BRAF: variants seen among roughly 807,000 people sequenced by gnomAD.
BRAF encodes serine/threonine-protein kinase B-raf.
Under a neutral mutation model 104.6 loss-of-function variants are expected in BRAF, and 16 were observed. That is an observed-to-expected ratio of 0.15 (90% CI 0.10 to 0.23). The LOEUF (loss-of-function observed/expected upper bound fraction) is 0.23. BRAF is among the 10% of genes least tolerant of loss of function. The pLI, the probability that BRAF is intolerant of heterozygous loss-of-function variation, is 1.00. For missense variants in BRAF, 541 were observed against 937.3 expected, an observed-to-expected ratio of 0.58 and a Z score of 5.52; for synonymous variants, 310 against 341.6, an observed-to-expected ratio of 0.91 and a Z score of 1.02.
In BRAF at chr7:140,721,777, G is replaced by GAATA. The variant is rs769804303; in HGVS notation, c.*4713_*4716dup. On this transcript the variant is annotated 3_prime_UTR_variant, in exon 20 of 20. Transcript: ENST00000644969. ...AACAAGATACAAGAACCACAGCATG[G>GAATA]AATATGTTTTCTTTTACATCCAATG... 10 of 1,448,594 alleles carry GAATA rather than the reference G, an allele frequency of 6.9e-6. No individual in the cohort carries two copies. The South Asian group carries it at 1.3e-4, about 19-fold the overall frequency. The allele number at this position is 1,448,594 out of a possible 1,614,324, so 89.7% of individuals were successfully genotyped here.
intron 11 of BRAF, among the ~76,000 whole-genome samples, chr7:140,782,139 TA>T (rs1800940725): frequency 3.9e-5 from 6 of 152,286 alleles, no homozygotes; most frequent in Admixed American, 3.3e-4. Flanking sequence ...AATTCCCACC[TA>T]TGAGTGAGAA....
intron 7 of BRAF, among the ~76,000 whole-genome samples, chr7:140,797,214 T>A (rs1802582907): frequency 6.6e-6 from 1 of 152,208 alleles, no homozygotes; most frequent in African/African-American, 2.4e-5. Flanking sequence ...TTAGTTTAGA[T>A]CTCATTCTTA....
chr7:140,878,163 C>CA (rs565718270), intron 1 of BRAF, among the ~76,000 whole-genome samples: 11 of 150,760 alleles, frequency 7.3e-5, no homozygotes, highest in African/African-American at 9.7e-5. Flanking sequence ...CAAATGAAAA[C>CA]AAAAAAAACA....
At chr7:140,769,288 G>A (rs1041504293) in intron 14 of BRAF, among the ~76,000 whole-genome samples, 9 of 152,122 alleles carry the variant, frequency 5.9e-5, no homozygotes, top group African/African-American at 1.7e-4. Context: ...ATGTTGGCCA[G>A]GCTAGTCTCG....
chr7:140,802,534 G>A (rs1464804955), intron 5 of BRAF, among the ~76,000 whole-genome samples: 8 of 151,952 alleles, frequency 5.3e-5, no homozygotes, highest in Admixed American at 5.2e-4. Context: ...CTGACCTCAG[G>A]TGATGCGTCT....
intron 1 of BRAF, among the ~76,000 whole-genome samples, chr7:140,878,076 T>A (rs1812464176): frequency 1.3e-5 from 2 of 152,004 alleles, no homozygotes; most frequent in African/African-American, 4.8e-5. Flanking sequence ...AAGAAAATTA[T>A]ACACCAATAT....
chr7:140,807,233 T>C (rs1208422075), intron 5 of BRAF, among the ~76,000 whole-genome samples: 2 of 152,156 alleles, frequency 1.3e-5, no homozygotes, highest in African/African-American at 4.8e-5. Context: ...GCCATTCTAT[T>C]TCCATTAACC....
Position 140,719,843 on chromosome 7 carries a change from T to C in BRAF, c.*6651A>G, listed in dbSNP as rs1050268684. 2.3e-5 allele frequency: 24 copies of C among 1,063,032 alleles called. No individual in the cohort carries two copies. The highest frequency in any genetic ancestry group is 2.6e-5 in the Non-Finnish European group (23 of 877,922). The allele number at this position is 1,063,032 out of a possible 1,614,324, so 65.8% of individuals were successfully genotyped here. A position where few individuals can be genotyped will look rare whatever the true frequency, so the allele number is the denominator to read the frequency against. ...CGCCCCAGACTCCACGAGAACCTTT[T>C]CAATGCTTGAGTGGAACTGAAGTGT... On this transcript the variant is annotated 3_prime_UTR_variant, in exon 20 of 20. Transcript: ENST00000644969.
intron 2 of BRAF, among the ~76,000 whole-genome samples, chr7:140,843,481 T>C (rs1381547490): frequency 6.6e-6 from 1 of 152,248 alleles, no homozygotes; most frequent in Non-Finnish European, 1.5e-5. Flanking sequence ...AGAAACTTAT[T>C]CTTGAAGGGT....
At chr7:140,840,669 T>C (rs980929217) in intron 2 of BRAF, among the ~76,000 whole-genome samples, 4 of 151,254 alleles carry the variant, frequency 2.6e-5, no homozygotes, top group African/African-American at 7.3e-5. Flanking sequence ...CGCATGCCTG[T>C]AGTCCCAGCT....
intron 12 of BRAF, among the ~76,000 whole-genome samples, chr7:140,779,365 T>C (rs1053391871): frequency 6.6e-6 from 1 of 152,172 alleles, no homozygotes; most frequent in African/African-American, 2.4e-5. Flanking sequence ...GCCTCCTCAA[T>C]AGCTGGGAGT....
chr7:140,887,504 A>C (rs1025937509), intron 1 of BRAF, among the ~76,000 whole-genome samples: 1 of 151,906 alleles, frequency 6.6e-6, no homozygotes, highest in Non-Finnish European at 1.5e-5. Flanking sequence ...AGGTCAGTTC[A>C]GAGAGCTAAA....
intron 1 of BRAF, among the ~76,000 whole-genome samples, chr7:140,859,087 A>G (rs1288480883): frequency 6.6e-6 from 1 of 152,244 alleles, no homozygotes; most frequent in African/African-American, 2.4e-5. Flanking sequence ...GTAACATTAT[A>G]AAGAATCTAG....
chr7:140,725,296 AT>A lies in BRAF; in HGVS notation c.*1197del. 9.7e-7 allele frequency: 1 copy of A among 1,035,592 alleles called. No homozygotes were observed. The highest frequency in any genetic ancestry group is 1.7e-5 in the African/African-American group (1 of 59,882). The allele number at this position is 1,035,592 out of a possible 1,614,324, so 64.2% of individuals were successfully genotyped here. A position where few individuals can be genotyped will look rare whatever the true frequency, so the allele number is the denominator to read the frequency against. On this transcript the variant is annotated 3_prime_UTR_variant, in exon 20 of 20. Coordinates refer to ENST00000644969, the MANE Select transcript of BRAF (RefSeq NM_001374258.1). The stretch of plus-strand genomic sequence containing the variant: ...TCCAGCAAGTACCATTAATTGAAAA[AT>A]TATAAATATTTGTCATTATGCTAAG...
At chr7:140,779,160 GT>G (rs1373555437) in intron 12 of BRAF, among the ~76,000 whole-genome samples, 1 of 152,212 alleles carries the variant, frequency 6.6e-6, no homozygotes, top group Non-Finnish European at 1.5e-5. Context: ...CACAGTGGTG[GT>G]TACCCTTGGG....
chr7:140,851,793 G>A (rs1422033279), intron 1 of BRAF, among the ~76,000 whole-genome samples: 1 of 152,098 alleles, frequency 6.6e-6, no homozygotes, highest in Non-Finnish European at 1.5e-5. Context: ...AGGCAATCAT[G>A]TTTTAATTTG....
chr7:140,887,880 A>AT (rs543315481), intron 1 of BRAF, among the ~76,000 whole-genome samples: 5,971 of 140,888 alleles, frequency 0.042, 165 homozygotes, highest in Middle Eastern at 0.064. Context: ...TGCTCGTTTA[A>AT]TTTTTTTTTT....
intron 14 of BRAF, among the ~76,000 whole-genome samples, chr7:140,762,745 G>C (rs1586058306): frequency 6.6e-6 from 1 of 152,204 alleles, no homozygotes; most frequent in East Asian, 1.9e-4. Context: ...CTAGGCAGAG[G>C]ACCCTGCGGC....
At chr7:140,814,283 C>T (rs996204544) in intron 3 of BRAF, among the ~76,000 whole-genome samples, 3 of 152,184 alleles carry the variant, frequency 2.0e-5, no homozygotes, top group East Asian at 1.9e-4. Context: ...AACTTTCACA[C>T]GTCAATTTTT....
Sources: gnomAD v4.1 joint callset for allele counts (sites outside exome capture counted in the v4.1 genomes callset) on GRCh38, gnomAD v4.1.1 for gene constraint, MANE v1.5 for transcripts, NCBI Gene and HGNC (gene_info 2026-07-23, HGNC 2026-07-21) for gene names.